SNRNP200: variants seen among roughly 807,000 people sequenced by gnomAD.
The protein encoded by SNRNP200 is U5 small nuclear ribonucleoprotein 200 kDa helicase.
In SNRNP200, 66 loss-of-function variants were observed where a neutral mutation model predicts 255.2. The observed-to-expected ratio is 0.26, with a 90% CI of 0.21 to 0.32. The LOEUF (loss-of-function observed/expected upper bound fraction) is 0.32. Ranked by LOEUF, SNRNP200 falls within the 10% of genes least tolerant of loss-of-function variation. SNRNP200 has a pLI of 1.00. For missense variants in SNRNP200, 1,585 were observed against 2,749.8 expected (o/e 0.58, Z 9.47); for synonymous variants, 939 against 1,027.8 (o/e 0.91, Z 1.65).
Position 96,296,931 on chromosome 2 carries a change from A to C in SNRNP200, c.1515+2T>G. ...GAAAACAGCAGGCAGGGTGGCGCTT[A>C]CAGTAGGAGCACACAGCAGCAGATT... is the stretch of plus-strand genomic sequence containing the variant. On this transcript the variant is annotated splice_donor_variant, in intron 12 of 44. Transcript: ENST00000323853. LOFTEE classifies it high-confidence loss of function. 6.2e-7 allele frequency: 1 copy of C among 1,614,218 alleles called. No individual in the cohort carries two copies. Among genetic ancestry groups the C allele is most frequent in the Non-Finnish European group, 8.5e-7 (1 of 1,180,038 alleles).
chr2:96,295,763 C>A, intron 13 of SNRNP200, 105 bp from the exon 14 acceptor site: 1 of 1,171,004 alleles, frequency 8.5e-7, no homozygotes, highest in Non-Finnish European at 1.2e-6. Context: ...AGGTATCAAC[C>A]CATCAGGTGA....
intron 34 of SNRNP200, chr2:96,282,575 T>C (rs1314383487): frequency 5.5e-6 from 1 of 180,348 alleles, no homozygotes; most frequent in East Asian, 1.4e-4. Flanking sequence ...TGGTGGGAGA[T>C]GACTGGCTAA....
intron 35 of SNRNP200, chr2:96,279,845 G>T: frequency 5.5e-6 from 2 of 362,926 alleles, no homozygotes; most frequent in South Asian, 2.7e-5. Flanking sequence ...CCCTATTCGA[G>T]GATCAAATAT....
chr2:96,290,025 A>G lies in SNRNP200; in HGVS notation c.2743-29T>C, dbSNP rs2063874651. The stretch of plus-strand genomic sequence containing the variant: ...CAAGACACAGCTCATGGTTCTTAGC[A>G]TGGAGAAACTCTTGATGTCCAAATG... On this transcript the variant is annotated intron_variant, in intron 20 of 44. Coordinates refer to ENST00000323853, the MANE Select transcript of SNRNP200 (RefSeq NM_014014.5). This position sits in a 1 kb window ranked among gnomAD's most constrained non-coding sequence, Gnocchi z 4.5. The G allele has an allele frequency of 2.5e-6, 4 of 1,607,996 alleles. No individual in the cohort carries two copies. The highest frequency in any genetic ancestry group is 3.4e-6 in the Non-Finnish European group (4 of 1,174,446).
intron 24 of SNRNP200, among the ~76,000 whole-genome samples, chr2:96,288,454 C>T (rs2063857261): frequency 1.3e-5 from 2 of 152,216 alleles, no homozygotes; most frequent in Non-Finnish European, 2.9e-5. Flanking sequence ...AGCATTCCCT[C>T]TTAAGGTCTT....
At position 96,290,631 on chromosome 2, in the gene SNRNP200, T is replaced by C; in HGVS notation, c.2553+53A>G. Reference sequence around the variant, plus strand: ...CTGCTAGCTTTCCAGCATCCCTGCATTTCAGGCAAGGATACTGATCCCTGC... The same window carrying C: ...CTGCTAGCTTTCCAGCATCCCTGCACTTCAGGCAAGGATACTGATCCCTGC... On this transcript the variant is annotated intron_variant, in intron 19 of 44. Coordinates refer to ENST00000323853, the MANE Select transcript of SNRNP200 (RefSeq NM_014014.5). The surrounding 1 kb of genome is among the most constrained non-coding windows in gnomAD (Gnocchi z 4.5). 6.2e-7 allele frequency: 1 copy of C among 1,613,996 alleles called. No homozygotes were observed. The highest frequency in any genetic ancestry group is 1.7e-5 in the Admixed American group (1 of 60,030).
At chr2:96,288,967 T>C in intron 23 of SNRNP200, 70 bp downstream of exon 23, 1 of 1,431,298 alleles carries the variant, frequency 7.0e-7, no homozygotes, top group Non-Finnish European at 9.7e-7. Context: ...AATTCAAGGT[T>C]CATCTTTTAG....
chr2:96,276,756 C>A (rs1367909952), intron 43 of SNRNP200, 148 bp downstream of exon 43: 3 of 858,544 alleles, frequency 3.5e-6, no homozygotes, highest in African/African-American at 1.7e-5. Context: ...GAAAAAAAAC[C>A]CCATAGCCTC....
intron 11 of SNRNP200, 60 bp from the exon 12 acceptor site, chr2:96,297,130 T>C: frequency 1.9e-6 from 3 of 1,612,106 alleles, no homozygotes; most frequent in African/African-American, 1.3e-5. Flanking sequence ...AAAACGTTAT[T>C]GTGGGATTGC....
In SNRNP200 at chr2:96,277,280, G is replaced by T. The variant is rs769855408; in HGVS notation, c.5932-39C>A. 1.4e-5 allele frequency: 23 copies of T among 1,608,624 alleles called. No individual in the cohort carries two copies. Among genetic ancestry groups the T allele is most frequent in the Non-Finnish European group, 1.9e-5 (22 of 1,175,390 alleles). ...TCAGACGTCAGGAAAGAGAGAACAC[G>T]GGCCAACAGCAAATGACACAGGCAG... On this transcript the variant is annotated intron_variant, in intron 41 of 44. Transcript: ENST00000323853. This position sits in a 1 kb window ranked among gnomAD's most constrained non-coding sequence, Gnocchi z 4.4.
At chr2:96,297,104 G>A in intron 11 of SNRNP200, 34 bp from the exon 12 acceptor site, 2 of 1,614,034 alleles carry the variant, frequency 1.2e-6, no homozygotes, top group Non-Finnish European at 1.7e-6. Context: ...ATATCATGTT[G>A]GCAGCATCCT....
chr2:96,280,091 C>G (rs1269568260), intron 35 of SNRNP200, among the ~76,000 whole-genome samples: 1 of 152,154 alleles, frequency 6.6e-6, no homozygotes, highest in East Asian at 1.9e-4. Flanking sequence ...TTGTGTATTT[C>G]GTGAGTCATC....
intron 31 of SNRNP200, 129 bp from the exon 32 acceptor site, chr2:96,284,133 G>T: frequency 1.0e-6 from 1 of 993,626 alleles, no homozygotes; most frequent in Non-Finnish European, 1.5e-6. Context: ...GAGCTCTCAT[G>T]TGTTTGGTTC....
Position 96,298,986 on chromosome 2 carries a change from A to C in SNRNP200, c.730-19T>G. On this transcript the variant is annotated intron_variant, in intron 6 of 44. Transcript: ENST00000323853. ...CTACGAGCTATAAAAGTAACCAGGC[A>C]TTTAGCTCACCAGGTCTCTGCCAGC... 6.2e-7 allele frequency: 1 copy of C among 1,613,628 alleles called. No homozygotes were observed. The highest frequency in any genetic ancestry group is 8.5e-7 in the Non-Finnish European group (1 of 1,179,984).
intron 9 of SNRNP200, 61 bp downstream of exon 9, chr2:96,298,223 C>T: frequency 1.2e-6 from 2 of 1,609,744 alleles, no homozygotes; most frequent in Non-Finnish European, 1.7e-6. Flanking sequence ...TAGCTTCATG[C>T]TGCAATCTTC....
Position 96,286,252 on chromosome 2 carries a change from G to T in SNRNP200, c.4003+59C>A. The T allele has an allele frequency of 6.4e-7, 1 of 1,568,490 alleles. No homozygotes were observed. Among genetic ancestry groups the T allele is most frequent in the South Asian group, 1.1e-5 (1 of 89,574 alleles). ...CACCCCCACTCCCCTGCCTGCCACAGAGCACATCTGTCTCCCGGTGACTTC... is the reference window on the plus strand; with the variant it reads ...CACCCCCACTCCCCTGCCTGCCACATAGCACATCTGTCTCCCGGTGACTTC... On this transcript the variant is annotated intron_variant, in intron 29 of 44. Coordinates refer to ENST00000323853, the MANE Select transcript of SNRNP200 (RefSeq NM_014014.5). The surrounding 1 kb of genome is among the most constrained non-coding windows in gnomAD (Gnocchi z 4.8).
Position 96,277,412 on chromosome 2 carries a change from A to G in SNRNP200, c.5931+127T>C. On this transcript the variant is annotated intron_variant, in intron 41 of 44. Transcript: ENST00000323853. The surrounding 1 kb of genome is among the most constrained non-coding windows in gnomAD (Gnocchi z 4.4). ...CAGGCTCTCTAGCATCTCAACAGGG[A>G]GCACCTTCGGAGGAACCATAACTAA... 1 of 1,316,656 alleles carries G rather than the reference A, an allele frequency of 7.6e-7. No individual in the cohort carries two copies. The allele number at this position is 1,316,656 out of a possible 1,614,324, so 81.6% of individuals were successfully genotyped here.
Position 96,290,652 on chromosome 2 carries a change from C to T in SNRNP200, c.2553+32G>A. On this transcript the variant is annotated intron_variant, in intron 19 of 44. Coordinates refer to ENST00000323853, the MANE Select transcript of SNRNP200 (RefSeq NM_014014.5). The surrounding 1 kb of genome is among the most constrained non-coding windows in gnomAD (Gnocchi z 4.5). ...TGCATTTCAGGCAAGGATACTGATC[C>T]CTGCTGAGAATAAACTCAAAAGGCT... 6.2e-7 allele frequency: 1 copy of T among 1,614,098 alleles called. No individual in the cohort carries two copies. Among genetic ancestry groups the T allele is most frequent in the Middle Eastern group, 1.7e-4 (1 of 6,012 alleles).
At chr2:96,288,133 A>G (rs966738796) in intron 24 of SNRNP200, among the ~76,000 whole-genome samples, 164 bp from the exon 25 acceptor site, 2 of 152,204 alleles carry the variant, frequency 1.3e-5, no homozygotes, top group African/African-American at 4.8e-5. Context: ...TCCATATAGT[A>G]GATGCTTGCC....
Sources: gnomAD v4.1 joint callset for allele counts (sites outside exome capture counted in the v4.1 genomes callset) on GRCh38, gnomAD v4.1.1 for gene constraint, Gnocchi (gnomAD v3.1) non-coding constraint, MANE v1.5 for transcripts, NCBI Gene and HGNC (gene_info 2026-07-23, HGNC 2026-07-21) for gene names.